Variants in KCNT2 observed in about 807,000 individuals in gnomAD.
The protein encoded by KCNT2 is potassium channel subfamily T member 2.
A neutral mutation model predicts 153.8 loss-of-function variants in KCNT2; 67 were observed. The observed-to-expected ratio is 0.44, with a 90% CI of 0.36 to 0.53. The LOEUF is 0.53. KCNT2 is among the 20% of genes least tolerant of loss of function. KCNT2 has a pLI of 0.00. For synonymous variants in KCNT2, 500 were observed against 458.8 expected (o/e 1.09, Z -1.15); for missense variants, 975 against 1,354.8 (o/e 0.72, Z 4.40).
At chr1:196,303,003 A>G (rs1467772088) in intron 22 of KCNT2, among the ~76,000 whole-genome samples, 1 of 150,446 alleles carries the variant, frequency 6.6e-6, no homozygotes, top group Non-Finnish European at 1.5e-5. Context: ...CATAAGGACA[A>G]ATGCAAATCT....
At chr1:196,456,967 T>C (rs1268548117) in intron 8 of KCNT2, among the ~76,000 whole-genome samples, 1 of 151,988 alleles carries the variant, frequency 6.6e-6, no homozygotes, top group African/African-American at 2.4e-5. Flanking sequence ...ACAAGTTTCC[T>C]GAGAGGAATT....
At chr1:196,311,498 G>A (rs1662175521) in intron 21 of KCNT2, among the ~76,000 whole-genome samples, 1 of 151,820 alleles carries the variant, frequency 6.6e-6, no homozygotes, top group South Asian at 2.1e-4. Flanking sequence ...TACAAGTGTG[G>A]TCAGCTAAAG....
chr1:196,561,348 TA>T (rs1245170393), intron 1 of KCNT2, among the ~76,000 whole-genome samples: 2 of 151,332 alleles, frequency 1.3e-5, no homozygotes, highest in African/African-American at 4.8e-5. Context: ...CTTTCCTAAC[TA>T]ATAAAGGGTT....
At chr1:196,475,483 G>T (rs1678451914) in intron 5 of KCNT2, among the ~76,000 whole-genome samples, 1 of 152,106 alleles carries the variant, frequency 6.6e-6, no homozygotes, top group South Asian at 2.1e-4. Flanking sequence ...AGCCGGGTGT[G>T]GTGGTGCACA....
At chr1:196,482,225 G>T in intron 4 of KCNT2, 106 bp downstream of exon 4, 1 of 700,360 alleles carries the variant, frequency 1.4e-6, no homozygotes, top group Non-Finnish European at 2.5e-6. Context: ...GATTAATCAG[G>T]CAGAAAGACA....
chr1:196,408,687 T>C (rs1297142000), intron 12 of KCNT2, among the ~76,000 whole-genome samples: 1 of 151,638 alleles, frequency 6.6e-6, no homozygotes, highest in South Asian at 2.1e-4. Context: ...TATTTGGGTA[T>C]TTTTCAGCTG....
At chr1:196,551,352 G>T (rs1287070186) in intron 1 of KCNT2, among the ~76,000 whole-genome samples, 1 of 151,850 alleles carries the variant, frequency 6.6e-6, no homozygotes, top group Non-Finnish European at 1.5e-5. Context: ...TGGAATAGAA[G>T]AACCAGTGGC....
chr1:196,404,363 T>C (rs779118069), intron 12 of KCNT2, among the ~76,000 whole-genome samples: 5 of 151,696 alleles, frequency 3.3e-5, no homozygotes, highest in Admixed American at 6.6e-5. Flanking sequence ...TTCTTATTGT[T>C]GTACGTGGCT....
chr1:196,529,087 G>A (rs1454864392), intron 1 of KCNT2, among the ~76,000 whole-genome samples: 8 of 152,130 alleles, frequency 5.3e-5, no homozygotes, highest in African/African-American at 1.7e-4. Flanking sequence ...TGAGAGCAAT[G>A]TAACGGCTTA....
At chr1:196,581,908 A>G (rs1662102407) in intron 1 of KCNT2, among the ~76,000 whole-genome samples, 1 of 152,164 alleles carries the variant, frequency 6.6e-6, no homozygotes, top group Non-Finnish European at 1.5e-5. Flanking sequence ...AATAGGCATC[A>G]CAAATGCCTC....
chr1:196,435,367 T>A (rs1282893378), intron 8 of KCNT2, among the ~76,000 whole-genome samples: 1 of 150,624 alleles, frequency 6.6e-6, no homozygotes, highest in Non-Finnish European at 1.5e-5. Context: ...AGCCTTTGTT[T>A]CAGGTAGTAA....
At chr1:196,401,163 T>C (rs1294842357) in intron 12 of KCNT2, among the ~76,000 whole-genome samples, 1 of 151,832 alleles carries the variant, frequency 6.6e-6, no homozygotes, top group Non-Finnish European at 1.5e-5. Context: ...ACTACCAACC[T>C]CAATGGTGAT....
intron 4 of KCNT2, among the ~76,000 whole-genome samples, chr1:196,479,525 G>T (rs1678824363): frequency 1.3e-5 from 2 of 152,144 alleles, no homozygotes; most frequent in Non-Finnish European, 1.5e-5. Context: ...TAGGCTGGCT[G>T]CAGTTTACAT....
chr1:196,265,843 A>T (rs1463588175), intron 25 of KCNT2, among the ~76,000 whole-genome samples: 1 of 152,208 alleles, frequency 6.6e-6, no homozygotes, highest in East Asian at 1.9e-4. Context: ...AGGTTAATTC[A>T]AACCCAACTT....
chr1:196,304,109 A>C (rs1661420029), intron 22 of KCNT2, among the ~76,000 whole-genome samples: 1 of 152,006 alleles, frequency 6.6e-6, no homozygotes, highest in African/African-American at 2.4e-5. Flanking sequence ...GCACAACAAC[A>C]ATTTCCCTGT....
chr1:196,538,982 A>T (rs956671400), intron 1 of KCNT2, among the ~76,000 whole-genome samples: 2 of 152,162 alleles, frequency 1.3e-5, no homozygotes, highest in African/African-American at 4.8e-5. Context: ...TAAAAATAAC[A>T]TTACCCTCCT....
intron 5 of KCNT2, among the ~76,000 whole-genome samples, chr1:196,469,532 T>C (rs542940150): frequency 1.1e-4 from 16 of 152,190 alleles, no homozygotes; most frequent in Middle Eastern, 3.2e-3. Context: ...AAGAAAGGAC[T>C]TTTTCAATCA....
At chr1:196,350,098 G>A (rs1428617373) in intron 14 of KCNT2, among the ~76,000 whole-genome samples, 1 of 152,082 alleles carries the variant, frequency 6.6e-6, no homozygotes, top group South Asian at 2.1e-4. Context: ...TCTTAATCCA[G>A]TCTATCATTA....
At chr1:196,518,046 T>G (rs1365467536) in intron 1 of KCNT2, among the ~76,000 whole-genome samples, 1 of 152,162 alleles carries the variant, frequency 6.6e-6, no homozygotes, top group Non-Finnish European at 1.5e-5. Context: ...GGAAACCCCA[T>G]GAGGCTAACA....
Sources: gnomAD v4.1 joint callset for allele counts (sites outside exome capture counted in the v4.1 genomes callset) on GRCh38, gnomAD v4.1.1 for gene constraint, MANE v1.5 for transcripts, NCBI Gene and HGNC (gene_info 2026-07-23, HGNC 2026-07-21) for gene names.